Variants in METTL22 observed in about 807,000 individuals in gnomAD.
METTL22 encodes methyltransferase 22, Kin17 lysine.
Under a neutral mutation model 48.4 loss-of-function variants are expected in METTL22, and 51 were observed. The ratio of observed to expected loss-of-function variants is 1.05; its 90% CI spans 0.84 to 1.33. The LOEUF is 1.33. METTL22 is among the 40% of genes most tolerant of loss of function. The probability of loss-of-function intolerance (pLI) is 0.00; values close to 1 mark genes in which losing one functional copy is unlikely to be tolerated. For missense variants in METTL22, 678 were observed against 526.9 expected (o/e 1.29, Z -2.81); for synonymous variants, 255 against 214.1 (o/e 1.19, Z -1.67).
chr16:8,631,892 G>T (rs2141723699), intron 3 of METTL22: 1 of 152,278 alleles, frequency 6.6e-6, no homozygotes, highest in African/African-American at 2.4e-5. Context: ...AAGTCACCTG[G>T]GCCTCCACCC....
chr16:8,642,036 T>G (rs1420255473), intron 7 of METTL22, 91 bp from the exon 8 acceptor site: 1 of 997,330 alleles, frequency 1.0e-6, no homozygotes, highest in Non-Finnish European at 1.6e-6. Flanking sequence ...CCCTGTTTCT[T>G]CTCTTGAAGT....
chr16:8,635,382 A>C (rs2056393563), intron 5 of METTL22, 70 bp downstream of exon 5: 1 of 1,468,876 alleles, frequency 6.8e-7, no homozygotes. Flanking sequence ...CTGTATAAAA[A>C]AAGAGGCAGA....
intron 9 of METTL22, 32 bp downstream of exon 9, chr16:8,642,597 G>A (rs763075610): frequency 3.0e-5 from 47 of 1,582,892 alleles, no homozygotes; most frequent in South Asian, 5.5e-5. Flanking sequence ...CCGTGCTGAC[G>A]TCCCGAGTGT....
the METTL22 span, among the ~76,000 whole-genome samples, chr16:8,664,662 T>A: frequency 2.8e-4 from 42 of 152,178 alleles, no homozygotes; most frequent in African/African-American, 8.4e-4. Flanking sequence ...GGTCTCCTTA[T>A]GTTGCCTGGG....
At chr16:8,641,715 T>A in intron 7 of METTL22, 1 of 393,086 alleles carries the variant, frequency 2.5e-6, no homozygotes, top group Non-Finnish European at 4.8e-6. Context: ...GCCTAGCACT[T>A]TGCGCACCGT....
At chr16:8,650,135 G>C (rs958451020), downstream of METTL22, among the ~76,000 whole-genome samples, 1 of 152,194 alleles carries the variant, frequency 6.6e-6, no homozygotes, top group Admixed American at 6.5e-5. Flanking sequence ...AGATCAGCCT[G>C]GGCAACATAC....
intron 9 of METTL22, among the ~76,000 whole-genome samples, chr16:8,643,182 C>T (rs2056678444): frequency 6.6e-6 from 1 of 152,246 alleles, no homozygotes; most frequent in South Asian, 2.1e-4. Flanking sequence ...CTTCACCCAG[C>T]AATTCAGCAT....
rs1025982363 is a variant in METTL22 at position 8,646,379 on chromosome 16, G to T, written c.*236G>T. On this transcript the variant is annotated 3_prime_UTR_variant, in exon 11 of 11. Coordinates refer to ENST00000381920, the MANE Select transcript of METTL22 (RefSeq NM_024109.4). ...TTAGTTGCCTGTTTCTCATGGTTGT[G>T]ATGTGTGCTCCAGGGTCAAGCCGAG... The T allele has an allele frequency of 2.9e-6, 2 of 696,302 alleles. No homozygotes were observed. The highest frequency in any genetic ancestry group is 5.5e-5 in the East Asian group (2 of 36,444). The allele number at this position is 696,302 out of a possible 1,614,324, so 43.1% of individuals were successfully genotyped here.
intron 1 of METTL22, among the ~76,000 whole-genome samples, chr16:8,622,216 C>G (rs999852396): frequency 2.6e-4 from 39 of 152,240 alleles, no homozygotes; most frequent in African/African-American, 9.2e-4. Context: ...CTCCCCAGCT[C>G]CTGGCCTAAA....
intron 7 of METTL22, 95 bp downstream of exon 7, chr16:8,641,279 T>A: frequency 8.2e-7 from 1 of 1,226,186 alleles, no homozygotes; most frequent in Non-Finnish European, 1.2e-6. Flanking sequence ...AGAGCTGTAG[T>A]CCCAGCTGCT....
At chr16:8,654,539 G>T (rs1404082562), downstream of METTL22, among the ~76,000 whole-genome samples, 5 of 152,204 alleles carry the variant, frequency 3.3e-5, no homozygotes, top group African/African-American at 1.2e-4. Flanking sequence ...TTAAGTACAT[G>T]TGCACACATG....
At chr16:8,622,036 G>A (rs1023082486) in intron 1 of METTL22, among the ~76,000 whole-genome samples, 3 of 152,234 alleles carry the variant, frequency 2.0e-5, no homozygotes, top group Non-Finnish European at 4.4e-5. Flanking sequence ...ACCTGTGACT[G>A]TTTTTTGAGA....
intron 6 of METTL22, 50 bp from the exon 7 acceptor site, chr16:8,641,081 C>A: frequency 6.4e-7 from 1 of 1,556,208 alleles, no homozygotes; most frequent in Admixed American, 1.7e-5. Flanking sequence ...ATCTTTTTTT[C>A]CTGATGATGT....
chr16:8,642,006 C>A, intron 7 of METTL22, 121 bp from the exon 8 acceptor site: 1 of 756,714 alleles, frequency 1.3e-6, no homozygotes, highest in Non-Finnish European at 2.4e-6. Context: ...GTGGTGCCCA[C>A]TGCACCGAGC....
At chr16:8,652,352 A>G (rs1004939329), downstream of METTL22, among the ~76,000 whole-genome samples, 1 of 151,880 alleles carries the variant, frequency 6.6e-6, no homozygotes, top group Admixed American at 6.6e-5. Context: ...CCAGCTACTC[A>G]GGAGGCTGAG....
At chr16:8,645,369 G>A (rs1243270496) in intron 10 of METTL22, among the ~76,000 whole-genome samples, 2 of 152,298 alleles carry the variant, frequency 1.3e-5, no homozygotes, top group South Asian at 4.1e-4. Context: ...TTGTGTGCGA[G>A]GAGGATCTTG....
intron 6 of METTL22, 32 bp downstream of exon 6, chr16:8,639,194 G>A (rs2056516533): frequency 1.2e-6 from 2 of 1,610,864 alleles, no homozygotes; most frequent in Middle Eastern, 1.7e-4. Context: ...GCCAGGGAGG[G>A]AGGTTTCTCT....
chr16:8,647,790 T>C lies in METTL22; in HGVS notation c.*1647T>C, dbSNP rs773604659. On this transcript the variant is annotated 3_prime_UTR_variant, in exon 11 of 11. Transcript: ENST00000381920. ...TGGGAGCAAGAAGAAAACCTATGCA[T>C]GTACGTTATTATAAATCTTCAAAGA... 6.6e-6 allele frequency: 1 copy of C among 152,192 alleles called. No individual in the cohort carries two copies. Among genetic ancestry groups the C allele is most frequent in the Non-Finnish European group, 1.5e-5 (1 of 68,042 alleles). 9.4% of individuals were successfully genotyped at this position (152,192 alleles called of 1,614,324 possible).
chr16:8,644,549 G>C lies in METTL22; in HGVS notation c.1011-8G>C. ...GGCAGTTTGTGCGTCCGACTGGCTG[G>C]TTTGCAGGCTCAACTTCACATTGAG... On this transcript the variant is annotated splice_region_variant and splice_polypyrimidine_tract_variant and intron_variant, in intron 9 of 10. Coordinates refer to ENST00000381920, the MANE Select transcript of METTL22 (RefSeq NM_024109.4). 3.3e-6 allele frequency: 5 copies of C among 1,534,786 alleles called. No homozygotes were observed. Among genetic ancestry groups the C allele is most frequent in the South Asian group, 1.2e-5 (1 of 81,494 alleles).
Sources: gnomAD v4.1 joint callset for allele counts (sites outside exome capture counted in the v4.1 genomes callset) on GRCh38, gnomAD v4.1.1 for gene constraint, MANE v1.5 for transcripts, NCBI Gene and HGNC (gene_info 2026-07-23, HGNC 2026-07-21) for gene names.